DLG1: variants seen among roughly 807,000 people sequenced by gnomAD.
The protein encoded by DLG1 is discs large MAGUK scaffold protein 1.
Under a neutral mutation model 123.4 loss-of-function variants are expected in DLG1, and 42 were observed. That is an observed-to-expected ratio of 0.34 (90% CI 0.27 to 0.44). The LOEUF (loss-of-function observed/expected upper bound fraction) is 0.44, where lower values mean the gene tolerates loss of function less well. Among genes scored for constraint, DLG1 ranks in the 20% least tolerant of loss-of-function variants. DLG1 has a pLI of 1.00. For synonymous variants in DLG1, 317 were observed against 356.2 expected (o/e 0.89, Z 1.24); for missense variants, 942 against 1,082.6 (o/e 0.87, Z 1.82).
At chr3:197,085,497 A>G (rs1753784851) in intron 16 of DLG1, 83 bp downstream of exon 16, 1 of 1,400,000 alleles carries the variant, frequency 7.1e-7, no homozygotes, top group Non-Finnish European at 1.0e-6. Context: ...AGGTCCATCC[A>G]TGTTGTCACA....
rs145132149 is a variant in DLG1 at position 197,054,509 on chromosome 3, C to T, written c.2484-2841G>A. On this transcript the variant is annotated intron_variant, in intron 23 of 24. Transcript: ENST00000667157. ...TTGTTGATTCTTTCTTCTGTCTGCT[C>T]AAATCTCCCTGAATCCCTGTAGTGA... is the stretch of plus-strand genomic sequence containing the variant. 8.5e-3 allele frequency among the ~76,000 whole-genome samples: 1,293 copies of T among 152,284 alleles called. 17 individuals carry two copies. The highest frequency in any genetic ancestry group is 0.03 in the African/African-American group (1,226 of 41,544).
chr3:197,106,715 A>G (rs955559963), intron 13 of DLG1, among the ~76,000 whole-genome samples: 1 of 152,216 alleles, frequency 6.6e-6, no homozygotes, highest in South Asian at 2.1e-4. Flanking sequence ...ACAAAACTAC[A>G]TATTAAAGAC....
chr3:197,297,889 C>A, intron 1 of DLG1: 1 of 985,104 alleles, frequency 1.0e-6, no homozygotes, highest in Non-Finnish European at 1.2e-6. Context: ...CTCCACGTAC[C>A]CCCGCCCCGC....
In DLG1 at chr3:197,116,046, C is replaced by T; in HGVS notation, c.1324G>A (p.Gly442Ser). The change falls in exon 13 of 25, where the codon GGC (glycine) becomes AGC (serine). Residue 442 changes from glycine to serine, a missense_variant. Gly to Ser is a moderately conservative substitution (Grantham distance 56). Transcript: ENST00000667157. The part of the protein sequence containing the change: ...RKVVLHRGST[G>S]LGFNIVGGED... ...CCTCCTACAATGTTGAAACCAAGGC[C>T]CGTTGAGCCACGATGAAGAACAACT... The T allele has an allele frequency of 1.2e-6, 2 of 1,609,692 alleles. No individual in the cohort carries two copies. Among genetic ancestry groups the T allele is most frequent in the East Asian group, 2.2e-5 (1 of 44,670 alleles).
chr3:197,276,101 A>G (rs1044871249), intron 4 of DLG1, among the ~76,000 whole-genome samples: 3 of 152,228 alleles, frequency 2.0e-5, no homozygotes, highest in African/African-American at 4.8e-5. Context: ...ACACACAGTC[A>G]TACTATGCCT....
Position 197,194,530 on chromosome 3 carries a change from T to C in DLG1, c.378A>G (p.Thr126=). 6.2e-7 allele frequency: 1 copy of C among 1,605,900 alleles called. No homozygotes were observed. The highest frequency in any genetic ancestry group is 8.5e-7 in the Non-Finnish European group (1 of 1,176,254). ...PPQEHISPQI[T]NEVIGPELVH... is the part of the protein sequence containing the mutation. Reference sequence around the variant, plus strand: ...CCAATTCTGGACCTATCACTTCATTTGTGATTTGTGGGGAAATATGCTCTT... The same window carrying C: ...CCAATTCTGGACCTATCACTTCATTCGTGATTTGTGGGGAAATATGCTCTT... The change falls in exon 5 of 25, where the codon ACA becomes ACG. Residue 126 remains threonine, a synonymous_variant. Coordinates refer to ENST00000667157, the MANE Select transcript of DLG1 (RefSeq NM_001366207.1).
At chr3:197,274,140 T>C (rs538828942) in intron 4 of DLG1, among the ~76,000 whole-genome samples, 2 of 152,276 alleles carry the variant, frequency 1.3e-5, no homozygotes, top group Admixed American at 1.3e-4. Context: ...ACACTCCGAA[T>C]ACCCAGAACA....
intron 8 of DLG1, among the ~76,000 whole-genome samples, chr3:197,138,633 A>G (rs1225331261): frequency 6.6e-6 from 1 of 152,130 alleles, no homozygotes; most frequent in Non-Finnish European, 1.5e-5. Context: ...TTATATAAAA[A>G]TGTTAAATAA....
At chr3:197,156,706 A>G (rs916130122) in intron 5 of DLG1, among the ~76,000 whole-genome samples, 2 of 152,232 alleles carry the variant, frequency 1.3e-5, no homozygotes, top group African/African-American at 2.4e-5. Context: ...TTATGAGACA[A>G]CAAAGGTATT....
At chr3:197,201,802 C>G (rs1002441325) in intron 4 of DLG1, among the ~76,000 whole-genome samples, 3 of 151,900 alleles carry the variant, frequency 2.0e-5, no homozygotes, top group African/African-American at 7.3e-5. Flanking sequence ...TCATTTTTCA[C>G]AGAAGCAGAA....
chr3:197,055,683 GA>G (rs1273756273), intron 23 of DLG1, among the ~76,000 whole-genome samples: 1 of 152,142 alleles, frequency 6.6e-6, no homozygotes, highest in African/African-American at 2.4e-5. Flanking sequence ...AGGGGAGGGG[GA>G]AAAAAGGTGT....
At position 197,136,652 on chromosome 3, in the gene DLG1, C is replaced by T. The variant is rs1246540630; in HGVS notation, c.910G>A (p.Val304Ile). 2 of 1,612,960 alleles carry T rather than the reference C, an allele frequency of 1.2e-6. No homozygotes were observed. Among genetic ancestry groups the T allele is most frequent in the East Asian group, 2.2e-5 (1 of 44,800 alleles). The change falls in exon 10 of 25, where the codon GTT (valine) becomes ATT (isoleucine). Residue 304 changes from valine to isoleucine, a missense_variant. Val to Ile is a conservative substitution (Grantham distance 29). Coordinates refer to ENST00000667157, the MANE Select transcript of DLG1 (RefSeq NM_001366207.1). ...TCCCCAGGAATATGCTGATTTCCAA[C>T]ACCTCCAGCAATGCTAAACCCAAGA... ...KGLGFSIAGG[V>I]GNQHIPGDNS...
intron 4 of DLG1, among the ~76,000 whole-genome samples, chr3:197,274,456 T>C (rs1398216322): frequency 6.6e-6 from 1 of 151,948 alleles, no homozygotes; most frequent in Non-Finnish European, 1.5e-5. Flanking sequence ...CAAATCAAAA[T>C]AGATTAAAGA....
chr3:197,298,430 C>T (rs1579661415), intron 1 of DLG1, 106 bp downstream of exon 1: 1 of 398,748 alleles, frequency 2.5e-6, no homozygotes, highest in Non-Finnish European at 4.4e-6. Context: ...TGCCCTAGCC[C>T]ACCGGCGCGT....
chr3:197,081,791 G>A (rs1460484233), intron 16 of DLG1, among the ~76,000 whole-genome samples: 1 of 152,116 alleles, frequency 6.6e-6, no homozygotes, highest in Admixed American at 6.5e-5. Context: ...AGCCTGTAAA[G>A]CCTTCACATC....
At chr3:197,051,833 A>ATTTTT (rs35979905) in intron 23 of DLG1, among the ~76,000 whole-genome samples, 165 bp from the exon 24 acceptor site, 15 of 90,254 alleles carry the variant, frequency 1.7e-4, no homozygotes, top group African/African-American at 3.3e-4. Context: ...ATTTCTGGGA[A>ATTTTT]TTTTTTTTTT....
chr3:197,246,147 T>C (rs565930785), intron 4 of DLG1, among the ~76,000 whole-genome samples: 277 of 152,316 alleles, frequency 1.8e-3, no homozygotes, highest in Non-Finnish European at 3.4e-3. Flanking sequence ...GGGCAGTCTT[T>C]CTGACTCGAC....
At chr3:197,116,140 A>G in intron 12 of DLG1, 57 bp from the exon 13 acceptor site, 1 of 1,408,566 alleles carries the variant, frequency 7.1e-7, no homozygotes, top group Non-Finnish European at 9.8e-7. Context: ...CTGACATTCT[A>G]TCAGTGAGAA....
intron 5 of DLG1, among the ~76,000 whole-genome samples, chr3:197,169,839 A>G (rs1803240373): frequency 6.6e-6 from 1 of 152,168 alleles, no homozygotes; most frequent in Non-Finnish European, 1.5e-5. Flanking sequence ...GATTTGTTGT[A>G]CAGATTATTT....
Sources: gnomAD v4.1 joint callset for allele counts (sites outside exome capture counted in the v4.1 genomes callset) on GRCh38, gnomAD v4.1.1 for gene constraint, MANE v1.5 for transcripts, NCBI Gene and HGNC (gene_info 2026-07-23, HGNC 2026-07-21) for gene names.